Variants in ABCA13 observed in about 807,000 individuals in gnomAD.
ABCA13 encodes the protein ATP-binding cassette sub-family A member 13.
Under a neutral mutation model 478.7 loss-of-function variants are expected in ABCA13, and 476 were observed. The ratio of observed to expected loss-of-function variants is 0.99; its 90% confidence interval spans 0.92 to 1.07. ABCA13 has a LOEUF of 1.07. Ranked by LOEUF, ABCA13 falls within the 50% of genes least tolerant of loss-of-function variation. The pLI is 0.00. For missense variants in ABCA13, 6,060 were observed against 5,910.6 expected (o/e 1.03, Z -0.83); for synonymous variants, 2,252 against 2,158.9 (o/e 1.04, Z -1.20).
At chr7:48,605,517 A>C (rs6966120) in intron 58 of ABCA13, among the ~76,000 whole-genome samples, 20,620 of 152,144 alleles carry the variant, frequency 0.14, 1,487 homozygotes, top group East Asian at 0.24. Context: ...AATTCTGTAC[A>C]TTAAGAATGC....
chr7:48,320,543 T>G (rs559890554), intron 27 of ABCA13, among the ~76,000 whole-genome samples: 13 of 152,390 alleles, frequency 8.5e-5, no homozygotes, highest in African/African-American at 2.6e-4. Flanking sequence ...TGTATTAGTA[T>G]GCTCTTTTTA....
At chr7:48,257,641 T>G (rs1399274515) in intron 15 of ABCA13, among the ~76,000 whole-genome samples, 1 of 152,078 alleles carries the variant, frequency 6.6e-6, no homozygotes, top group African/African-American at 2.4e-5. Flanking sequence ...CTTTCAACCC[T>G]GGGATAAAGC....
chr7:48,271,135 C>T (rs1795549071), intron 16 of ABCA13, among the ~76,000 whole-genome samples: 1 of 152,134 alleles, frequency 6.6e-6, no homozygotes, highest in Admixed American at 6.6e-5. Flanking sequence ...CATGTAACCC[C>T]AAGAATGTCA....
rs1331137609 is a variant in ABCA13, at chr7:48,335,470, A to G, written c.10048A>G (p.Thr3350Ala). Reference protein sequence around the residue: ...IVDKLKTLSETLLEMSSLFQR... With the variant: ...IVDKLKTLSEALLEMSSLFQR... ...GGACAAACTAAAAACTTTATCAGAA[A>G]CACTGCTGGAAATGTCCAGCCTTTT... Residue 3350 changes from threonine to alanine, a missense_variant, in exon 28 of 62, where the codon ACA becomes GCA. This residue lies in a region of ABCA13 where 4,423 missense variants were observed against 4,309.1 expected (regional missense o/e 1.03). Coordinates refer to ENST00000435803, the MANE Select transcript of ABCA13 (RefSeq NM_152701.5). 6.2e-7 allele frequency: 1 copy of G among 1,613,492 alleles called. No homozygotes were observed. The highest frequency in any genetic ancestry group is 8.5e-7 in the Non-Finnish European group (1 of 1,179,646).
At chr7:48,423,538 G>A (rs930591277) in intron 41 of ABCA13, among the ~76,000 whole-genome samples, 2 of 152,080 alleles carry the variant, frequency 1.3e-5, no homozygotes, top group African/African-American at 2.4e-5. Context: ...AAAGGATGGG[G>A]CATAGGACTC....
intron 31 of ABCA13, among the ~76,000 whole-genome samples, chr7:48,360,875 A>G (rs574989866): frequency 1.3e-5 from 2 of 152,054 alleles, no homozygotes; most frequent in African/African-American, 2.4e-5. Context: ...AGGGATTGTT[A>G]TGACCGTATT....
intron 29 of ABCA13, among the ~76,000 whole-genome samples, chr7:48,349,090 A>G (rs1808539411): frequency 6.6e-6 from 1 of 152,242 alleles, no homozygotes; most frequent in Non-Finnish European, 1.5e-5. Flanking sequence ...CCCTATAGAT[A>G]TAAGGGTTCA....
chr7:48,469,323 G>C lies in ABCA13; in HGVS notation c.12906-2207G>C, dbSNP rs79744777. On this transcript the variant is annotated intron_variant, in intron 44 of 61. Transcript: ENST00000435803. ...ATGGCTGGTGACAGATTCCCTCTTA[G>C]GGGCCTGTAAAGAGGAAAGTTGAGG... Among the ~76,000 whole-genome samples, 1,003 of 152,290 alleles carry C rather than the reference G, an allele frequency of 6.6e-3. 10 individuals carry two copies. Among genetic ancestry groups the C allele is most frequent in the African/African-American group, 0.023 (941 of 41,552 alleles).
intron 55 of ABCA13, among the ~76,000 whole-genome samples, chr7:48,541,327 C>T (rs1239721443): frequency 6.6e-6 from 1 of 152,048 alleles, no homozygotes; most frequent in African/African-American, 2.4e-5. Context: ...TGATGGACAC[C>T]ATCAAACATT....
chr7:48,307,317 T>C (rs140932329), intron 23 of ABCA13, among the ~76,000 whole-genome samples: 94 of 152,348 alleles, frequency 6.2e-4, no homozygotes, highest in African/African-American at 2.2e-3. Flanking sequence ...GTTACTCTAC[T>C]GAATACTGTG....
chr7:48,614,980 A>G (rs967982165), intron 58 of ABCA13, among the ~76,000 whole-genome samples: 8 of 150,338 alleles, frequency 5.3e-5, no homozygotes, highest in African/African-American at 1.9e-4. Context: ...GCACATGTAT[A>G]CATATGTAAC....
intron 18 of ABCA13, among the ~76,000 whole-genome samples, chr7:48,280,478 T>C (rs901549763): frequency 2.0e-5 from 3 of 152,202 alleles, no homozygotes; most frequent in Admixed American, 2.0e-4. Context: ...TCTTGCTAGT[T>C]GTCATGCCTT....
intron 3 of ABCA13, among the ~76,000 whole-genome samples, chr7:48,204,619 C>T (rs1784693657): frequency 6.6e-6 from 1 of 152,132 alleles, no homozygotes. Context: ...TGCTTTGGGG[C>T]CCTCCACAAT....
intron 58 of ABCA13, among the ~76,000 whole-genome samples, chr7:48,608,754 A>G (rs1208444563): frequency 6.6e-6 from 1 of 152,248 alleles, no homozygotes; most frequent in Non-Finnish European, 1.5e-5. Context: ...GCCACTGATT[A>G]TCAGTCTTCT....
Position 48,548,314 on chromosome 7 carries a change from C to T in ABCA13, c.14354+19969C>T, listed in dbSNP as rs1534393. 1.3e-4 allele frequency among the ~76,000 whole-genome samples: 19 copies of T among 151,660 alleles called. 1 individual carries two copies. Among genetic ancestry groups the T allele is most frequent in the African/African-American group, 1.9e-4 (8 of 41,340 alleles). On this transcript the variant is annotated intron_variant, in intron 55 of 61. Transcript: ENST00000435803. ...TAGAAAACTTCTGAAAGTCCCCTGG[C>T]GGAGAAATGTCCCTAAGCATTTTGT... is the stretch of plus-strand genomic sequence containing the variant.
Position 48,643,408 on chromosome 7 carries a change from T to A in ABCA13, c.14943+15T>A, listed in dbSNP as rs1323152584. On this transcript the variant is annotated intron_variant, in intron 60 of 61. Transcript: ENST00000435803. ...TTCAGTTCAAGGTAGTGCTAATATCTTGTATTATTTCTTTGTTTTCAGCTA... is the reference window on the plus strand; with the variant it reads ...TTCAGTTCAAGGTAGTGCTAATATCATGTATTATTTCTTTGTTTTCAGCTA... The A allele has an allele frequency of 6.4e-7, 1 of 1,567,318 alleles. No homozygotes were observed.
chr7:48,476,678 C>T (rs369227946), intron 45 of ABCA13, among the ~76,000 whole-genome samples: 50 of 152,164 alleles, frequency 3.3e-4, no homozygotes, highest in African/African-American at 1.0e-3. Flanking sequence ...AGTCTTCAGC[C>T]GGGAATGGGT....
At chr7:48,616,409 T>A (rs1046470734) in intron 59 of ABCA13, among the ~76,000 whole-genome samples, 21 of 152,160 alleles carry the variant, frequency 1.4e-4, no homozygotes, top group African/African-American at 4.8e-4. Context: ...AGAAAAATAA[T>A]ATTTCATGGT....
intron 55 of ABCA13, among the ~76,000 whole-genome samples, chr7:48,541,811 A>G (rs2131132735): frequency 6.6e-6 from 1 of 150,612 alleles, no homozygotes; most frequent in Middle Eastern, 3.5e-3. Context: ...GAAAGTTGAC[A>G]GATAACAGAG....
Sources: allele counts gnomAD v4.1 joint callset (sites outside exome capture counted in the v4.1 genomes callset), GRCh38; gene constraint gnomAD v4.1.1; regional missense constraint gnomAD v4.1.1; transcripts MANE v1.5; gene names NCBI Gene and HGNC (gene_info 2026-07-23, HGNC 2026-07-21).